Variants in SDK2 observed in about 807,000 individuals in gnomAD.
The protein encoded by SDK2 is protein sidekick-2.
Under a neutral mutation model 253.9 loss-of-function variants are expected in SDK2, and 105 were observed. The observed-to-expected ratio is 0.41, with a 90% CI of 0.35 to 0.49. The LOEUF is 0.49. Among genes scored for constraint, SDK2 ranks in the 20% least tolerant of loss-of-function variants. SDK2 has a pLI of 0.06. For missense variants in SDK2, 2,608 were observed against 3,003.0 expected (o/e 0.87, Z 3.07); for synonymous variants, 1,249 against 1,234.9 (o/e 1.01, Z -0.24).
chr17:73,341,252 A>T, intron 44 of SDK2, among the ~76,000 whole-genome samples: 1 of 121,672 alleles, frequency 8.2e-6, no homozygotes, highest in African/African-American at 2.8e-5. Flanking sequence ...TTTTTTTGAC[A>T]CTTTGATGTC....
intron 1 of SDK2, among the ~76,000 whole-genome samples, chr17:73,549,199 G>A (rs1025872936): frequency 2.6e-5 from 4 of 152,240 alleles, no homozygotes; most frequent in African/African-American, 9.6e-5. Flanking sequence ...AGAAGCCGGA[G>A]TGAGGAGCAG....
Position 73,390,330 on chromosome 17 carries a change from C to T in SDK2, c.4149G>A (p.Trp1383Ter). 1 of 1,608,078 alleles carries T rather than the reference C, an allele frequency of 6.2e-7. No individual in the cohort carries two copies. The highest frequency in any genetic ancestry group is 8.5e-7 in the Non-Finnish European group (1 of 1,178,960). Residue 1383 changes from tryptophan to a stop codon, truncating the protein, a stop_gained, in exon 29 of 45, where the codon TGG (tryptophan) becomes TGA (stop). Coordinates refer to ENST00000392650, the MANE Select transcript of SDK2 (RefSeq NM_001144952.2). LOFTEE classifies it high-confidence loss of function. Reference protein sequence around the residue: ...FRITAQTRKGWGEAAEALVVT... With the variant: ...FRITAQTRKG ...CCACCAAGGCCTCGGCAGCTTCTCC[C>T]CAGCCCTTGCGGGTCTGGGCCGTGA...
In SDK2 at chr17:73,360,336, G is replaced by A. The variant is rs149154670; in HGVS notation, c.5467+1348C>T. Among the ~76,000 whole-genome samples, 1,103 of 152,288 alleles carry A rather than the reference G, an allele frequency of 7.2e-3. 14 individuals are homozygous for A. Among genetic ancestry groups the A allele is most frequent in the African/African-American group, 0.025 (1,053 of 41,544 alleles). ...ACTGGCCAGAAAGAAAAAGTGAAGC[G>A]CAGCCAGACTAAGCCATTAGGGGAA... On this transcript the variant is annotated intron_variant, in intron 39 of 44. Coordinates refer to ENST00000392650, the MANE Select transcript of SDK2 (RefSeq NM_001144952.2).
intron 1 of SDK2, among the ~76,000 whole-genome samples, chr17:73,576,295 C>T (rs1254317270): frequency 6.6e-6 from 1 of 151,640 alleles, no homozygotes; most frequent in Non-Finnish European, 1.5e-5. Flanking sequence ...AGGGTGTCCC[C>T]AAGGAAGGGA....
intron 33 of SDK2, among the ~76,000 whole-genome samples, chr17:73,382,319 G>A (rs1456659464): frequency 6.6e-6 from 1 of 152,134 alleles, no homozygotes; most frequent in Admixed American, 6.6e-5. Context: ...GTCCTCTGGG[G>A]TACCCCTGCC....
intron 1 of SDK2, among the ~76,000 whole-genome samples, chr17:73,565,832 T>C (rs1025798028): frequency 6.6e-6 from 1 of 152,152 alleles, no homozygotes; most frequent in African/African-American, 2.4e-5. Flanking sequence ...TGTTTGTTTG[T>C]TTGTTTTTTT....
chr17:73,466,826 C>A (rs1399875124), intron 3 of SDK2, among the ~76,000 whole-genome samples: 1 of 148,864 alleles, frequency 6.7e-6, no homozygotes, highest in African/African-American at 2.5e-5. Flanking sequence ...GTCACTTTAA[C>A]CTTGTTAACA....
chr17:73,354,883 T>A (rs1321265397), intron 40 of SDK2, among the ~76,000 whole-genome samples: 1 of 151,898 alleles, frequency 6.6e-6, no homozygotes, highest in African/African-American at 2.4e-5. Context: ...GATGGTTTTG[T>A]TTTCCTCACC....
intron 14 of SDK2, 136 bp downstream of exon 14, chr17:73,423,250 C>T (rs181964010): frequency 1.4e-4 from 117 of 809,650 alleles, no homozygotes; most frequent in African/African-American, 1.4e-3. Flanking sequence ...GAGATGGGAA[C>T]GCTGAGGCTG....
At position 73,383,923 on chromosome 17, in the gene SDK2, G is replaced by A. The variant is rs35467001; in HGVS notation, c.4658C>T (p.Thr1553Met). The change falls in exon 33 of 45, where the codon ACG becomes ATG. Residue 1553 changes from threonine to methionine, a missense_variant. This residue lies in a region of SDK2 where 1,103 missense variants were observed against 1,143.9 expected (regional missense o/e 0.96). Coordinates refer to ENST00000392650, the MANE Select transcript of SDK2 (RefSeq NM_001144952.2). The surrounding 1 kb of genome is among the most constrained non-coding windows in gnomAD (Gnocchi z 4.3). ...ELLYEGLRGFTLRGINNPGAT... is the reference protein window; with the variant it reads ...ELLYEGLRGFMLRGINNPGAT... ...CCCTGGGTTGTTGATGCCTCGAAGC[G>A]TGAAGCCCCTCAGTCCTTCATAGAG... The A allele has an allele frequency of 0.053, 85,260 of 1,613,780 alleles. 2,518 individuals are homozygous for A. Among genetic ancestry groups the A allele is most frequent in the African/African-American group, 0.089 (6,669 of 74,980 alleles).
At chr17:73,504,631 CAAAAAAAAA>C (rs146981971) in intron 2 of SDK2, among the ~76,000 whole-genome samples, 3 of 47,028 alleles carry the variant, frequency 6.4e-5, no homozygotes, top group Non-Finnish European at 1.1e-4. Context: ...GACTCTGTCT[CAAAAAAAAA>C]AAAAAAAAAA....
intron 1 of SDK2, among the ~76,000 whole-genome samples, chr17:73,602,711 A>G (rs1325791646): frequency 6.6e-6 from 1 of 151,768 alleles, no homozygotes; most frequent in East Asian, 1.9e-4. Context: ...GGGTTTCTCA[A>G]CCCTGGCGCT....
At chr17:73,444,931 TG>T (rs1456447344) in intron 5 of SDK2, among the ~76,000 whole-genome samples, 5 of 152,244 alleles carry the variant, frequency 3.3e-5, no homozygotes, top group African/African-American at 7.2e-5. Flanking sequence ...TATGAGCTCC[TG>T]CAATGTGGCT....
Position 73,335,165 on chromosome 17 carries a change from T to C in SDK2, c.*3422A>G, listed in dbSNP as rs2062368549. On this transcript the variant is annotated 3_prime_UTR_variant, in exon 45 of 45. Transcript: ENST00000392650. ...CAAACTCTCTGGAGCCCTAGGAGGATGGTGGTTCTGGAGCCCAGAGCATCT... is the reference window on the plus strand; with the variant it reads ...CAAACTCTCTGGAGCCCTAGGAGGACGGTGGTTCTGGAGCCCAGAGCATCT... 1 of 152,480 alleles carries C rather than the reference T, an allele frequency of 6.6e-6. No homozygotes were observed. The highest frequency in any genetic ancestry group is 1.5e-5 in the Non-Finnish European group (1 of 68,278). The allele number at this position is 152,480 out of a possible 1,614,324, so 9.4% of individuals were successfully genotyped here.
chr17:73,610,583 A>T (rs1057250616), intron 1 of SDK2, among the ~76,000 whole-genome samples: 1 of 152,056 alleles, frequency 6.6e-6, no homozygotes, highest in Non-Finnish European at 1.5e-5. Context: ...TGGCATTGCT[A>T]ATTTCCCCCA....
chr17:73,501,830 G>A (rs1446734673), intron 2 of SDK2, among the ~76,000 whole-genome samples: 1 of 152,194 alleles, frequency 6.6e-6, no homozygotes, highest in Admixed American at 6.5e-5. Context: ...AGAATCCCAG[G>A]TATTCCTTAC....
intron 2 of SDK2, among the ~76,000 whole-genome samples, chr17:73,483,129 G>T (rs1275485781): frequency 2.0e-5 from 3 of 151,756 alleles, no homozygotes; most frequent in Non-Finnish European, 4.4e-5. Flanking sequence ...ACTGCTCTGC[G>T]GTAGGTCTTC....
At chr17:73,386,726 TGGGACCCGGCCCCAG>T (rs2062875578) in intron 30 of SDK2, among the ~76,000 whole-genome samples, 178 bp from the exon 31 acceptor site, 1 of 152,156 alleles carries the variant, frequency 6.6e-6, no homozygotes, top group Non-Finnish European at 1.5e-5. Context: ...GAGGACAAAC[TGGGACCCGGCCCCAG>T]GGGTCCCAAG....
rs368983415 is a variant in SDK2 at position 73,352,337 on chromosome 17, C to T, written c.5758+136G>A. 159 of 1,135,960 alleles carry T rather than the reference C, an allele frequency of 1.4e-4. 1 individual carries two copies. In the African/African-American group the frequency reaches 2.2e-3, roughly 15 times the overall value. 70.4% of individuals were successfully genotyped at this position (1,135,960 alleles called of 1,614,324 possible). Reference sequence around the variant, plus strand: ...CACCAGCACTTGCCTCTTCACAGCCCCGAGGGGACAATGTGTTTTTGTTCC... The same window carrying T: ...CACCAGCACTTGCCTCTTCACAGCCTCGAGGGGACAATGTGTTTTTGTTCC... On this transcript the variant is annotated intron_variant, in intron 41 of 44. Coordinates refer to ENST00000392650, the MANE Select transcript of SDK2 (RefSeq NM_001144952.2). The surrounding 1 kb of genome is among the most constrained non-coding windows in gnomAD (Gnocchi z 4.1).
Sources: allele counts gnomAD v4.1 joint callset (sites outside exome capture counted in the v4.1 genomes callset), GRCh38; gene constraint gnomAD v4.1.1; regional missense constraint gnomAD v4.1.1; non-coding constraint Gnocchi (gnomAD v3.1); transcripts MANE v1.5; gene names NCBI Gene and HGNC (gene_info 2026-07-23, HGNC 2026-07-21).